GFPT2: variants seen among roughly 807,000 people sequenced by gnomAD.
The protein encoded by GFPT2 is glutamine--fructose-6-phosphate aminotransferase [isomerizing] 2.
Under a neutral mutation model 85.6 loss-of-function variants are expected in GFPT2, and 62 were observed. The observed-to-expected ratio is 0.72, with a 90% confidence interval of 0.59 to 0.90. The LOEUF (loss-of-function observed/expected upper bound fraction) is 0.90, where lower values mean the gene tolerates loss of function less well. Among genes scored for constraint, GFPT2 ranks in the 40% least tolerant of loss-of-function variants. GFPT2 has a pLI of 0.00. For synonymous variants in GFPT2, 368 were observed against 344.5 expected, an observed-to-expected ratio of 1.07 and a Z score of -0.75; for missense variants, 788 against 893.4, an observed-to-expected ratio of 0.88 and a Z score of 1.50.
At chr5:180,340,342 G>A (rs1764489717) in intron 1 of GFPT2, among the ~76,000 whole-genome samples, 1 of 152,092 alleles carries the variant, frequency 6.6e-6, no homozygotes, top group Non-Finnish European at 1.5e-5. Context: ...GAGTAGCTGG[G>A]ATTACAGGCA....
intron 9 of GFPT2, among the ~76,000 whole-genome samples, chr5:180,322,907 G>T (rs1764146500): frequency 6.6e-6 from 1 of 151,826 alleles, no homozygotes; most frequent in Admixed American, 6.6e-5. Flanking sequence ...GTGGTGGCGG[G>T]CACCTGTAGT....
chr5:180,316,438 C>G lies in GFPT2; in HGVS notation c.1176G>C (p.Leu392=). The stretch of plus-strand genomic sequence containing the variant: ...GTTCAACCATCACAGGAAGCTCAGT[C>G]AGTTCCTCCAAAACTTGCCGCGTCT... The part of the protein sequence containing the change: ...AVATRQVLEE[L]TELPVMVELA... Residue 392 remains leucine, a synonymous_variant, in exon 13 of 19, where the codon CTG becomes CTC. Coordinates refer to ENST00000253778, the MANE Select transcript of GFPT2 (RefSeq NM_005110.4). 1 of 1,614,098 alleles carries G rather than the reference C, an allele frequency of 6.2e-7. No individual in the cohort carries two copies. Among genetic ancestry groups the G allele is most frequent in the South Asian group, 1.1e-5 (1 of 91,064 alleles).
chr5:180,347,949 C>T (rs1027941872), intron 1 of GFPT2, among the ~76,000 whole-genome samples: 4 of 152,090 alleles, frequency 2.6e-5, no homozygotes, highest in Admixed American at 2.0e-4. Context: ...TTCCAAGCAT[C>T]GGCTTCCCAA....
intron 4 of GFPT2, among the ~76,000 whole-genome samples, chr5:180,332,389 C>T (rs1207522805): frequency 6.6e-6 from 1 of 152,188 alleles, no homozygotes; most frequent in Non-Finnish European, 1.5e-5. Flanking sequence ...CAAGTAGCTC[C>T]GTTTCCCTCT....
At chr5:180,336,402 C>T in intron 3 of GFPT2, 77 bp downstream of exon 3, 1 of 828,526 alleles carries the variant, frequency 1.2e-6, no homozygotes, top group East Asian at 2.4e-5. Flanking sequence ...TCTCCATTCT[C>T]CGGCGCTGTT....
chr5:180,304,445 C>T (rs1213176020), intron 17 of GFPT2, among the ~76,000 whole-genome samples: 4 of 152,196 alleles, frequency 2.6e-5, no homozygotes, highest in African/African-American at 7.2e-5. Flanking sequence ...TAGTTCCCAT[C>T]GGAGCTGCTT....
intron 9 of GFPT2, among the ~76,000 whole-genome samples, chr5:180,322,809 G>C (rs1348151273): frequency 6.6e-6 from 1 of 152,096 alleles, no homozygotes; most frequent in Admixed American, 6.6e-5. Flanking sequence ...GGCTGAGGAG[G>C]GCGGATCATG....
At position 180,312,371 on chromosome 5, in the gene GFPT2, A is replaced by G. The variant is rs188706919; in HGVS notation, c.1546+59T>C. The G allele has an allele frequency of 1.5e-5, 13 of 887,074 alleles. No homozygotes were observed. The East Asian group carries it at 3.1e-4, about 21-fold the overall frequency. 55.0% of individuals were successfully genotyped at this position (887,074 alleles called of 1,614,324 possible). The stretch of plus-strand genomic sequence containing the variant: ...CCTGTACAGGTGAGAGTCAACAGAG[A>G]ATGGCCAGCAACAGTCCACTAGATC... On this transcript the variant is annotated intron_variant, in intron 15 of 18. Coordinates refer to ENST00000253778, the MANE Select transcript of GFPT2 (RefSeq NM_005110.4).
At chr5:180,338,462 C>G (rs1027430630) in intron 2 of GFPT2, 31 bp downstream of exon 2, 1 of 1,270,378 alleles carries the variant, frequency 7.9e-7, no homozygotes, top group Non-Finnish European at 1.1e-6. Context: ...AGCCCGGTCC[C>G]CAGCCACGAG....
At chr5:180,342,123 G>A (rs1451759620) in intron 1 of GFPT2, among the ~76,000 whole-genome samples, 2 of 152,132 alleles carry the variant, frequency 1.3e-5, no homozygotes, top group African/African-American at 2.4e-5. Context: ...GCCGCCACGT[G>A]AGATGTGCCT....
intron 15 of GFPT2, 102 bp downstream of exon 15, chr5:180,312,328 A>T (rs1425089780): frequency 1.4e-6 from 1 of 717,896 alleles, no homozygotes; most frequent in East Asian, 2.6e-5. Context: ...TTTAGGAGGA[A>T]GAAGAAATGA....
At position 180,334,739 on chromosome 5, in the gene GFPT2, C is replaced by T. The variant is rs75459567; in HGVS notation, c.340+1089G>A. ...TCAGGGGCTCGTGACTGGACCAGGC[C>T]TCACCTAGAGTGGGGGACCCCCTGG... is the stretch of plus-strand genomic sequence containing the variant. On this transcript the variant is annotated intron_variant, in intron 4 of 18. Coordinates refer to ENST00000253778, the MANE Select transcript of GFPT2 (RefSeq NM_005110.4). Among the ~76,000 whole-genome samples, 754 of 152,288 alleles carry T rather than the reference C, an allele frequency of 5.0e-3. 6 individuals are homozygous for T. Among genetic ancestry groups the T allele is most frequent in the Non-Finnish European group, 7.0e-3 (476 of 68,020 alleles).
intron 1 of GFPT2, among the ~76,000 whole-genome samples, chr5:180,348,795 G>T (rs1009018150): frequency 6.6e-6 from 1 of 150,460 alleles, no homozygotes; most frequent in Non-Finnish European, 1.5e-5. Context: ...AGGCTGGAGT[G>T]TAGTGGCACG....
At chr5:180,351,407 C>T (rs1306038972) in intron 1 of GFPT2, among the ~76,000 whole-genome samples, 2 of 152,142 alleles carry the variant, frequency 1.3e-5, no homozygotes, top group South Asian at 2.1e-4. Flanking sequence ...CTGAGCTGTG[C>T]CCTCCCCACT....
At chr5:180,353,147 AG>A (rs1039788671) in intron 1 of GFPT2, 63 bp downstream of exon 1, 194 of 1,212,410 alleles carry the variant, frequency 1.6e-4, no homozygotes, top group Non-Finnish European at 1.9e-4. Context: ...AGGCGCGGAG[AG>A]GCTGCGGCGC....
chr5:180,316,755 C>G lies in GFPT2; in HGVS notation c.1152+9G>C, dbSNP rs1003962067. 4.4e-6 allele frequency: 7 copies of G among 1,596,640 alleles called. No individual in the cohort carries two copies. In the African/African-American group the frequency reaches 8.0e-5, roughly 18 times the overall value. Reference sequence around the variant, plus strand: ...CGTCGACTTCCCCACGCACATGTGTCACACTTACAGCCACGGCAGCGTGGT... The same window carrying G: ...CGTCGACTTCCCCACGCACATGTGTGACACTTACAGCCACGGCAGCGTGGT... On this transcript the variant is annotated intron_variant, in intron 12 of 18. Transcript: ENST00000253778.
At chr5:180,337,385 G>A (rs1397256236) in intron 2 of GFPT2, among the ~76,000 whole-genome samples, 5 of 151,486 alleles carry the variant, frequency 3.3e-5, no homozygotes, top group Non-Finnish European at 4.4e-5. Context: ...CCCAGGAGGC[G>A]GAGCTTGCAG....
rs369204312 is a variant in GFPT2 at position 180,301,216 on chromosome 5, G to A, written c.*348C>T. 1.5e-5 allele frequency: 5 copies of A among 334,730 alleles called. No individual in the cohort carries two copies. The highest frequency in any genetic ancestry group is 1.0e-4 in the East Asian group (2 of 19,928). 20.7% of individuals were successfully genotyped at this position (334,730 alleles called of 1,614,324 possible). ...AAAATAACTTAAAAGCTATACAGTC[G>A]TCATTATAAATATCTTGTCTTTTAA... is the stretch of plus-strand genomic sequence containing the variant. On this transcript the variant is annotated 3_prime_UTR_variant, in exon 19 of 19. Transcript: ENST00000253778.
rs941041522 is a variant in GFPT2, at chr5:180,301,146, G to A, written c.*418C>T. The stretch of plus-strand genomic sequence containing the variant: ...GACACAGAGCATGGGTAGCTAGGAT[G>A]AACAGTTTGGCCGTTACCACGGCTA... On this transcript the variant is annotated 3_prime_UTR_variant, in exon 19 of 19. Transcript: ENST00000253778. 2 of 190,572 alleles carry A rather than the reference G, an allele frequency of 1.0e-5. No individual in the cohort carries two copies. The highest frequency in any genetic ancestry group is 4.7e-5 in the African/African-American group (2 of 42,694). The allele number at this position is 190,572 out of a possible 1,614,324, so 11.8% of individuals were successfully genotyped here. A position where few individuals can be genotyped will look rare whatever the true frequency, so the allele number is the denominator to read the frequency against.
Sources: allele counts gnomAD v4.1 joint callset (sites outside exome capture counted in the v4.1 genomes callset), GRCh38; gene constraint gnomAD v4.1.1; transcripts MANE v1.5; gene names NCBI Gene and HGNC (gene_info 2026-07-23, HGNC 2026-07-21).